The following HMCN1 variants were observed in gnomAD, a reference collection of about 807,000 sequenced individuals.
HMCN1 encodes the protein hemicentin-1.
HMCN1 carries 321 observed loss-of-function variants against 625.9 expected under a neutral mutation model. The observed-to-expected ratio is 0.51, with a 90% confidence interval of 0.47 to 0.56. HMCN1 has a LOEUF of 0.56. Ranked by LOEUF, HMCN1 falls within the 20% of genes least tolerant of loss-of-function variation. HMCN1 has a pLI of 0.00. For synonymous variants in HMCN1, 2,425 were observed against 2,417.6 expected, an observed-to-expected ratio of 1.00 and a Z score of -0.09; for missense variants, 6,588 against 6,887.3, an observed-to-expected ratio of 0.96 and a Z score of 1.54.
intron 30 of HMCN1, among the ~76,000 whole-genome samples, chr1:186,014,116 A>G (rs1654187360): frequency 6.6e-6 from 1 of 152,130 alleles, no homozygotes; most frequent in Non-Finnish European, 1.5e-5. Flanking sequence ...GGTCTCAGTG[A>G]TAAGTCATGT....
intron 64 of HMCN1, among the ~76,000 whole-genome samples, chr1:186,091,124 A>T (rs914424580): frequency 1.3e-5 from 2 of 152,114 alleles, no homozygotes; most frequent in African/African-American, 4.8e-5. Context: ...TATGTTTCTC[A>T]TCCGTTAACT....
rs376047541 is a variant in HMCN1 at position 186,108,454 on chromosome 1, C to T, written c.10853-7C>T. ...ATTGCTTTTGTTGTATTTGTTCTCA[C>T]ACCCAGTACCTCCTAATATTGCTGG... On this transcript the variant is annotated splice_polypyrimidine_tract_variant and splice_region_variant and intron_variant, in intron 70 of 106. Transcript: ENST00000271588. 14 of 1,613,990 alleles carry T rather than the reference C, an allele frequency of 8.7e-6. No individual in the cohort carries two copies. The highest frequency in any genetic ancestry group is 7.7e-5 in the South Asian group (7 of 91,086).
At chr1:186,016,758 G>A (rs1368166242) in intron 32 of HMCN1, among the ~76,000 whole-genome samples, 1 of 151,980 alleles carries the variant, frequency 6.6e-6, no homozygotes, top group Non-Finnish European at 1.5e-5. Context: ...TGGAGGAATA[G>A]GTATGATATG....
intron 11 of HMCN1, among the ~76,000 whole-genome samples, chr1:185,941,829 G>T (rs774679474): frequency 6.6e-6 from 1 of 152,100 alleles, no homozygotes; most frequent in Admixed American, 6.5e-5. Flanking sequence ...TTAAAGAAAA[G>T]AAATATTAAA....
At chr1:185,789,883 C>T (rs188642796) in intron 1 of HMCN1, among the ~76,000 whole-genome samples, 26 of 152,278 alleles carry the variant, frequency 1.7e-4, no homozygotes, top group Non-Finnish European at 4.4e-5. Context: ...TTTTTTCCCC[C>T]TATCTCTGGG....
chr1:185,784,697 T>C (rs1657437366), intron 1 of HMCN1, among the ~76,000 whole-genome samples: 1 of 152,190 alleles, frequency 6.6e-6, no homozygotes, highest in African/African-American at 2.4e-5. Flanking sequence ...ATCCTTCCCT[T>C]GCATTGTCTG....
At chr1:185,742,556 T>C (rs1205686875) in intron 1 of HMCN1, among the ~76,000 whole-genome samples, 1 of 152,202 alleles carries the variant, frequency 6.6e-6, no homozygotes, top group East Asian at 1.9e-4. Context: ...TGCACATCTA[T>C]ATGAACTGAA....
chr1:185,807,692 C>T (rs564710373), intron 1 of HMCN1, among the ~76,000 whole-genome samples: 48 of 152,244 alleles, frequency 3.2e-4, no homozygotes, highest in Admixed American at 1.6e-3. Context: ...ATAAGCCTTG[C>T]ATTCTTGTCT....
Position 186,003,798 on chromosome 1 carries a change from G to A in HMCN1, c.4429G>A (p.Val1477Ile). Residue 1477 changes from valine (V) to isoleucine (I), a missense_variant, in exon 29 of 107, where the codon GTC becomes ATC. Coordinates refer to ENST00000271588, the MANE Select transcript of HMCN1 (RefSeq NM_031935.3). ...CCGTGACGTCGCCCTTGAATGCCAG[G>A]TCAAAGGCACTCCCTTTCCTGATAT... is the stretch of plus-strand genomic sequence containing the variant. ...LNRDVALECQ[V>I]KGTPFPDIHW... 6.2e-7 allele frequency: 1 copy of A among 1,612,988 alleles called. No homozygotes were observed. Among genetic ancestry groups the A allele is most frequent in the Non-Finnish European group, 8.5e-7 (1 of 1,179,196 alleles).
chr1:186,020,187 C>G (rs1310320583), intron 35 of HMCN1, among the ~76,000 whole-genome samples: 1 of 151,222 alleles, frequency 6.6e-6, no homozygotes, highest in Non-Finnish European at 1.5e-5. Flanking sequence ...GAGTATAGTC[C>G]CTGGCATATA....
At chr1:186,061,535 C>T (rs1657698035) in intron 46 of HMCN1, among the ~76,000 whole-genome samples, 1 of 152,142 alleles carries the variant, frequency 6.6e-6, no homozygotes, top group Non-Finnish European at 1.5e-5. Context: ...ATCAGCATCT[C>T]TCAACTCGTG....
At chr1:185,782,163 T>A (rs553154909) in intron 1 of HMCN1, among the ~76,000 whole-genome samples, 1 of 152,308 alleles carries the variant, frequency 6.6e-6, no homozygotes, top group East Asian at 1.9e-4. Flanking sequence ...AGACTAGGAT[T>A]GCAACCTCTG....
intron 106 of HMCN1, 67 bp downstream of exon 106, chr1:186,188,076 A>G (rs1054148004): frequency 1.9e-6 from 3 of 1,580,826 alleles, no homozygotes; most frequent in African/African-American, 1.4e-5. Context: ...TGACCAACAT[A>G]AACTTTAGTC....
intron 38 of HMCN1, among the ~76,000 whole-genome samples, chr1:186,039,479 A>AT (rs891269877): frequency 5.9e-5 from 9 of 152,172 alleles, no homozygotes; most frequent in African/African-American, 1.7e-4. Context: ...TAAAAAACTG[A>AT]TTTTTTTAAC....
At position 185,982,314 on chromosome 1, in the gene HMCN1, G is replaced by A. The variant is rs746210473; in HGVS notation, c.2715G>A (p.Gln905=). 59 of 1,613,118 alleles carry A rather than the reference G, an allele frequency of 3.7e-5. No homozygotes were observed. In the Admixed American group the frequency reaches 9.7e-4, roughly 26 times the overall value. ...CAGTGGCCAATGTTATTGAAGGACAGCAGCTTACTTTGCCCTGTACTCTGT... is the reference window on the plus strand; with the variant it reads ...CAGTGGCCAATGTTATTGAAGGACAACAGCTTACTTTGCCCTGTACTCTGT... ...SPSVANVIEG[Q]QLTLPCTLLA... Residue 905 remains glutamine (Q), a synonymous_variant, in exon 18 of 107, where the codon CAG becomes CAA. Transcript: ENST00000271588.
Position 186,103,613 on chromosome 1 carries a change from C to A in HMCN1, c.10715C>A (p.Thr3572Lys). 6.2e-7 allele frequency: 1 copy of A among 1,613,844 alleles called. No individual in the cohort carries two copies. Among genetic ancestry groups the A allele is most frequent in the South Asian group, 1.1e-5 (1 of 91,072 alleles). The change falls in exon 69 of 107, where the codon ACG becomes AAG. Residue 3572 changes from threonine (T) to lysine (K), a missense_variant. Thr to Lys is a moderately conservative substitution (Grantham distance 78). This residue lies in a region of HMCN1 where 4,628 missense variants were observed against 4,853.1 expected (regional missense o/e 0.95). Transcript: ENST00000271588. ...AAAGATGGCCGGCCCCTTCCACAGA[C>A]GGATCAAGTGCAAACTCTAGGAGGA... Reference protein sequence around the residue: ...WMKDGRPLPQTDQVQTLGGGE... With the variant: ...WMKDGRPLPQKDQVQTLGGGE...
rs201804250 is a variant in HMCN1 at position 185,772,717 on chromosome 1, C to CTA, written c.268+37673_268+37674dup. Among the ~76,000 whole-genome samples, 1,388 of 152,198 alleles carry CTA rather than the reference C, an allele frequency of 9.1e-3. 21 individuals are homozygous for CTA. The highest frequency in any genetic ancestry group is 0.03 in the African/African-American group (1,253 of 41,512). On this transcript the variant is annotated intron_variant, in intron 1 of 106. Transcript: ENST00000271588. Reference sequence around the variant, plus strand: ...TGACTGTTGTAGTCCATTTGTGCTGCTATAACAGAATGCCACAGACTGGGT... The same window carrying CTA: ...TGACTGTTGTAGTCCATTTGTGCTGCTATATAACAGAATGCCACAGACTGGGT...
intron 4 of HMCN1, among the ~76,000 whole-genome samples, chr1:185,888,541 C>T (rs1411220686): frequency 6.9e-6 from 1 of 144,130 alleles, no homozygotes; most frequent in Non-Finnish European, 1.5e-5. Context: ...AGCCAGTTTT[C>T]CCAGCACCAT....
At chr1:185,751,445 T>C (rs1234903111) in intron 1 of HMCN1, among the ~76,000 whole-genome samples, 2 of 152,164 alleles carry the variant, frequency 1.3e-5, no homozygotes, top group African/African-American at 2.4e-5. Flanking sequence ...TATCTCTGTC[T>C]TCCTATTTCT....
Sources: gnomAD v4.1 joint callset for allele counts (sites outside exome capture counted in the v4.1 genomes callset) on GRCh38, gnomAD v4.1.1 for gene constraint, gnomAD v4.1.1 regional missense constraint, MANE v1.5 for transcripts, NCBI Gene and HGNC (gene_info 2026-07-23, HGNC 2026-07-21) for gene names.